The following CSMD1 variants were observed in gnomAD, a reference collection of about 807,000 sequenced individuals.
CSMD1 encodes CUB and Sushi multiple domains 1, also known as CUB and sushi domain-containing protein 1.
In CSMD1, 213 loss-of-function variants were observed where a neutral mutation model predicts 417.5. That is an observed-to-expected ratio of 0.51 (90% CI 0.46 to 0.57). The LOEUF is 0.57. CSMD1 is among the 20% of genes least tolerant of loss of function. The pLI is 0.00. For missense variants in CSMD1, 6,923 were observed against 4,529.7 expected (o/e 1.53, Z -15.17); for synonymous variants, 2,862 against 1,736.8 (o/e 1.65, Z -16.11).
intron 1 of CSMD1, among the ~76,000 whole-genome samples, chr8:4,695,740 T>C (rs773492279): frequency 2.6e-5 from 4 of 152,206 alleles, no homozygotes; most frequent in African/African-American, 4.8e-5. Flanking sequence ...TTATGTTCTA[T>C]GGGTTTAGAC....
rs900232019 is a variant in CSMD1, at chr8:3,705,362, C to G, written c.1009+3052G>C. Among the ~76,000 whole-genome samples, 13 of 152,206 alleles carry G rather than the reference C, an allele frequency of 8.5e-5. 1 individual carries two copies. The highest frequency in any genetic ancestry group is 3.1e-4 in the African/African-American group (13 of 41,452). ...GGCAGCTCAGCCTTCCATCCATACC[C>G]TGGTGCTTCCCACGGGCAGAATACA... On this transcript the variant is annotated intron_variant, in intron 7 of 69. Coordinates refer to ENST00000635120, the MANE Select transcript of CSMD1 (RefSeq NM_033225.6).
chr8:3,592,533 G>A (rs563619870), intron 8 of CSMD1, among the ~76,000 whole-genome samples: 1 of 152,110 alleles, frequency 6.6e-6, no homozygotes, highest in Admixed American at 6.5e-5. Flanking sequence ...TGGCATGGGG[G>A]CAGTAGCTGC....
chr8:4,854,899 G>T (rs1801703807), intron 1 of CSMD1, among the ~76,000 whole-genome samples: 1 of 152,196 alleles, frequency 6.6e-6, no homozygotes, highest in Non-Finnish European at 1.5e-5. Flanking sequence ...GCTCGAACTG[G>T]GTGGAGCCCA....
chr8:3,705,698 C>A (rs1274603846), intron 7 of CSMD1, among the ~76,000 whole-genome samples: 1 of 152,192 alleles, frequency 6.6e-6, no homozygotes, highest in East Asian at 1.9e-4. Flanking sequence ...CAACAAAACC[C>A]TTAGTTGGGG....
chr8:3,569,410 G>A (rs777387462), intron 10 of CSMD1, among the ~76,000 whole-genome samples: 2 of 152,276 alleles, frequency 1.3e-5, no homozygotes, highest in South Asian at 2.1e-4. Flanking sequence ...GCCGAGATAA[G>A]ACTAGGAAAG....
At position 3,737,995 on chromosome 8, in the gene CSMD1, G is replaced by C. The variant is rs1796610436; in HGVS notation, c.931+15935C>G. ...TTGTAATAAATTGCAGAAGAATGCA[G>C]TGACAAACTAATGAAGTGAAAAGGG... On this transcript the variant is annotated intron_variant, in intron 6 of 69. Coordinates refer to ENST00000635120, the MANE Select transcript of CSMD1 (RefSeq NM_033225.6). 3.9e-5 allele frequency among the ~76,000 whole-genome samples: 6 copies of C among 152,324 alleles called. No homozygotes were observed. The South Asian group carries it at 1.0e-3, about 26-fold the overall frequency.
At chr8:3,176,421 G>C (rs1040762311) in intron 37 of CSMD1, among the ~76,000 whole-genome samples, 3 of 151,980 alleles carry the variant, frequency 2.0e-5, no homozygotes, top group Non-Finnish European at 4.4e-5. Context: ...TCATTAAAAA[G>C]TGTGCATTCA....
intron 49 of CSMD1, among the ~76,000 whole-genome samples, chr8:3,062,840 A>G (rs1025747048): frequency 6.6e-6 from 1 of 152,212 alleles, no homozygotes; most frequent in African/African-American, 2.4e-5. Context: ...CTGCTCAGCC[A>G]AAGCTGTGCA....
chr8:4,768,615 C>G (rs1414261417), intron 1 of CSMD1, among the ~76,000 whole-genome samples: 1 of 152,110 alleles, frequency 6.6e-6, no homozygotes, highest in African/African-American at 2.4e-5. Flanking sequence ...TTTACCTGGT[C>G]TTCTCTGCGT....
chr8:4,023,901 G>C (rs1270349007), intron 4 of CSMD1, among the ~76,000 whole-genome samples: 1 of 151,294 alleles, frequency 6.6e-6, no homozygotes, highest in Non-Finnish European at 1.5e-5. Context: ...ACAGGCGTGA[G>C]CCACAGCACC....
rs1030723746 is a variant in CSMD1 at position 3,284,082 on chromosome 8, G to C, written c.4153+62C>G. Reference sequence around the variant, plus strand: ...ACGCTGGTGAATATAAATGGAGGGAGATCTGTGTTCATGACAAGACTTTGA... The same window carrying C: ...ACGCTGGTGAATATAAATGGAGGGACATCTGTGTTCATGACAAGACTTTGA... On this transcript the variant is annotated intron_variant, in intron 26 of 69. Transcript: ENST00000635120. The C allele has an allele frequency of 3.2e-6, 4 of 1,267,374 alleles. No homozygotes were observed. The African/African-American group carries it at 5.9e-5, about 19-fold the overall frequency. The allele number at this position is 1,267,374 out of a possible 1,614,324, so 78.5% of individuals were successfully genotyped here.
chr8:3,521,560 A>G (rs992030988), intron 10 of CSMD1, among the ~76,000 whole-genome samples: 1 of 152,152 alleles, frequency 6.6e-6, no homozygotes, highest in African/African-American at 2.4e-5. Context: ...AGTTACTCCC[A>G]AGTTGGATCT....
At chr8:3,308,759 T>C (rs1427696575) in intron 23 of CSMD1, among the ~76,000 whole-genome samples, 13 of 146,434 alleles carry the variant, frequency 8.9e-5, no homozygotes, top group African/African-American at 3.3e-4. Flanking sequence ...TTTTTGCTTT[T>C]GTTGCCCAGG....
chr8:3,538,386 G>A (rs1256084591), intron 10 of CSMD1, among the ~76,000 whole-genome samples: 1 of 151,886 alleles, frequency 6.6e-6, no homozygotes, highest in Admixed American at 6.6e-5. Context: ...CCACACCTGG[G>A]CTGGTGCACC....
intron 2 of CSMD1, among the ~76,000 whole-genome samples, chr8:4,585,385 A>G (rs1799648202): frequency 6.6e-6 from 1 of 152,178 alleles, no homozygotes; most frequent in Admixed American, 6.5e-5. Context: ...AATTTTTGAA[A>G]GAGGGATAAC....
intron 5 of CSMD1, among the ~76,000 whole-genome samples, chr8:3,803,401 C>G (rs1263918081): frequency 6.6e-6 from 1 of 152,112 alleles, no homozygotes; most frequent in Non-Finnish European, 1.5e-5. Flanking sequence ...GGAGAGGAAA[C>G]AGGTAGTGTA....
At chr8:4,134,171 C>G (rs948981764) in intron 3 of CSMD1, among the ~76,000 whole-genome samples, 3 of 152,110 alleles carry the variant, frequency 2.0e-5, no homozygotes, top group Admixed American at 2.0e-4. Flanking sequence ...GTATGTTTGA[C>G]TATTTAAAAT....
In CSMD1 at chr8:3,096,974, G is replaced by A. The variant is rs990309909; in HGVS notation, c.7013C>T (p.Pro2338Leu). The change falls in exon 47 of 70, where the codon CCG (proline) becomes CTG (leucine). Residue 2338 changes from proline (P) to leucine (L), a missense_variant. Coordinates refer to ENST00000635120, the MANE Select transcript of CSMD1 (RefSeq NM_033225.6). ...AGTCTGGGAGTTAAAATAATTACCC[G>A]GATACCCTGGACTGAGAATGACTCC... The part of the protein sequence containing the change: ...SSGVILSPGY[P>L]GNYFNSQTCS... The A allele has an allele frequency of 3.2e-6, 5 of 1,555,060 alleles. No individual in the cohort carries two copies. Among genetic ancestry groups the A allele is most frequent in the Non-Finnish European group, 3.5e-6 (4 of 1,148,512 alleles).
At chr8:3,813,678 C>T (rs575651287) in intron 5 of CSMD1, among the ~76,000 whole-genome samples, 174 of 152,162 alleles carry the variant, frequency 1.1e-3, no homozygotes, top group African/African-American at 4.0e-3. Context: ...GGCTTAAAAG[C>T]CCTGTACTTT....
Sources: allele counts gnomAD v4.1 joint callset (sites outside exome capture counted in the v4.1 genomes callset), GRCh38; gene constraint gnomAD v4.1.1; transcripts MANE v1.5; gene names NCBI Gene and HGNC (gene_info 2026-07-23, HGNC 2026-07-21).